Variants in PAN3 observed in about 807,000 individuals in gnomAD.
PAN3 encodes the protein PAN2-PAN3 deadenylation complex subunit PAN3.
Under a neutral mutation model 96.2 loss-of-function variants are expected in PAN3, and 19 were observed. The observed-to-expected ratio is 0.20, with a 90% CI of 0.14 to 0.29. The LOEUF (loss-of-function observed/expected upper bound fraction) is 0.29, where lower values mean the gene tolerates loss of function less well. Among genes scored for constraint, PAN3 ranks in the 10% least tolerant of loss-of-function variants. The probability of loss-of-function intolerance (pLI) is 1.00; values close to 1 mark genes in which losing one functional copy is unlikely to be tolerated. For synonymous variants in PAN3, 433 were observed against 406.6 expected, an observed-to-expected ratio of 1.06 and a Z score of -0.78; for missense variants, 882 against 1,108.1, an observed-to-expected ratio of 0.80 and a Z score of 2.90.
chr13:28,281,231 A>G, intron 16 of PAN3, 84 bp from the exon 17 acceptor site: 1 of 976,894 alleles, frequency 1.0e-6, no homozygotes, highest in Non-Finnish European at 1.6e-6. Flanking sequence ...ATATTGGTAC[A>G]GGTTACCAGT....
At chr13:28,166,532 A>C (rs1302464469) in intron 1 of PAN3, among the ~76,000 whole-genome samples, 2 of 152,112 alleles carry the variant, frequency 1.3e-5, no homozygotes, top group Non-Finnish European at 2.9e-5. Context: ...CTGGTGTTGG[A>C]TGCTGGTGGC....
intron 18 of PAN3, among the ~76,000 whole-genome samples, chr13:28,291,550 C>T (rs1869744985): frequency 6.6e-6 from 1 of 152,180 alleles, no homozygotes; most frequent in Admixed American, 6.5e-5. Flanking sequence ...ATAAATTAGG[C>T]TGGGCACGGT....
chr13:28,242,071 C>CT (rs1328964665), intron 6 of PAN3, among the ~76,000 whole-genome samples: 1 of 152,216 alleles, frequency 6.6e-6, no homozygotes, highest in Non-Finnish European at 1.5e-5. Flanking sequence ...GTAACACATA[C>CT]TAGAGTAATG....
At position 28,260,470 on chromosome 13, in the gene PAN3, T is replaced by C; in HGVS notation, c.1272T>C (p.Tyr424=). The C allele has an allele frequency of 2.5e-6, 4 of 1,612,960 alleles. No individual in the cohort carries two copies. Among genetic ancestry groups the C allele is most frequent in the Non-Finnish European group, 3.4e-6 (4 of 1,179,048 alleles). The part of the protein sequence containing the change: ...TGMVFPNYHI[Y]PPTAPHVAYM... ...AGGTGTTTCCAAACTATCATATTTA[T>C]CCTCCAACTGCACCTCACGTTGCTT... Residue 424 remains tyrosine (Y), a synonymous_variant, in exon 8 of 19, where the codon TAT becomes TAC. Coordinates refer to ENST00000380958, the MANE Select transcript of PAN3 (RefSeq NM_175854.8).
intron 9 of PAN3, among the ~76,000 whole-genome samples, chr13:28,262,840 G>A (rs968702639): frequency 6.6e-6 from 1 of 152,184 alleles, no homozygotes; most frequent in African/African-American, 2.4e-5. Context: ...ATATCAGTAT[G>A]TAGGAATAAA....
At chr13:28,263,246 TAGAG>T (rs796401242) in intron 9 of PAN3, among the ~76,000 whole-genome samples, 34 of 152,260 alleles carry the variant, frequency 2.2e-4, no homozygotes, top group African/African-American at 7.9e-4. Flanking sequence ...CGGAACAGAT[TAGAG>T]AGAGCCAGAC....
At chr13:28,185,348 G>A (rs1310995273) in intron 4 of PAN3, among the ~76,000 whole-genome samples, 1 of 152,176 alleles carries the variant, frequency 6.6e-6, no homozygotes, top group Non-Finnish European at 1.5e-5. Context: ...TTCCTGCTAA[G>A]TAAAGAGTAT....
chr13:28,144,224 T>G lies in PAN3; in HGVS notation c.430+5137T>G, dbSNP rs1030575373. ...ATAAGTTTTTTTGTTTTTTTTTTTT[T>G]TTTTTTTTTTGATATGGAGTCTCGC... On this transcript the variant is annotated intron_variant, in intron 1 of 18. Coordinates refer to ENST00000380958, the MANE Select transcript of PAN3 (RefSeq NM_175854.8). Among the ~76,000 whole-genome samples the G allele has an allele frequency of 7.0e-4, 102 of 144,760 alleles. 2 individuals carry two copies. Among genetic ancestry groups the G allele is most frequent in the Admixed American group, 1.5e-3 (22 of 14,530 alleles). The allele number at this position is 144,760 out of a possible 152,430, so 95.0% of individuals were successfully genotyped here.
chr13:28,227,812 T>C (rs1882159742), intron 6 of PAN3, among the ~76,000 whole-genome samples: 1 of 152,200 alleles, frequency 6.6e-6, no homozygotes, highest in Admixed American at 6.5e-5. Context: ...TCTGTGTAAA[T>C]AGAAAATCTT....
intron 5 of PAN3, among the ~76,000 whole-genome samples, chr13:28,206,934 A>C (rs1879446203): frequency 1.3e-5 from 2 of 151,832 alleles, no homozygotes. Context: ...CTCTGCACTC[A>C]TTCTATTATA....
chr13:28,154,966 G>A (rs1473293050), intron 1 of PAN3, among the ~76,000 whole-genome samples: 2 of 150,840 alleles, frequency 1.3e-5, no homozygotes, highest in Non-Finnish European at 3.0e-5. Flanking sequence ...GAGTACAGTC[G>A]CCCACCACCA....
chr13:28,259,853 G>A (rs1885547127), intron 7 of PAN3, among the ~76,000 whole-genome samples: 1 of 151,878 alleles, frequency 6.6e-6, no homozygotes, highest in Non-Finnish European at 1.5e-5. Context: ...GGTCAGGCTG[G>A]TCTCGAACTC....
At chr13:28,220,951 A>G in intron 6 of PAN3, among the ~76,000 whole-genome samples, 1 of 152,148 alleles carries the variant, frequency 6.6e-6, no homozygotes, top group South Asian at 2.1e-4. Flanking sequence ...TCTTCTGCCC[A>G]TAATGTACCC....
chr13:28,261,549 C>A, intron 9 of PAN3, 91 bp downstream of exon 9: 1 of 1,175,834 alleles, frequency 8.5e-7, no homozygotes, highest in Admixed American at 2.3e-5. Context: ...AGAAGAGTTC[C>A]AGGCTGGGCC....
chr13:28,139,700 T>C (rs1033699327), intron 1 of PAN3, among the ~76,000 whole-genome samples: 3 of 152,082 alleles, frequency 2.0e-5, no homozygotes, highest in Non-Finnish European at 4.4e-5. Flanking sequence ...GCGTTCAAAG[T>C]GTGCTCAGGT....
In PAN3 at chr13:28,292,654, C is replaced by G; in HGVS notation, c.*132C>G. ...GAGATGAGCAAAGCTGCTTGCACTT[C>G]AGTCAGGTACACTGTTACTTGAAAG... On this transcript the variant is annotated 3_prime_UTR_variant, in exon 19 of 19. Coordinates refer to ENST00000380958, the MANE Select transcript of PAN3 (RefSeq NM_175854.8). The G allele has an allele frequency of 1.3e-6, 1 of 772,622 alleles. No individual in the cohort carries two copies. 47.9% of individuals were successfully genotyped at this position (772,622 alleles called of 1,614,324 possible).
At chr13:28,161,399 TCTTTA>T (rs1251657706) in intron 1 of PAN3, among the ~76,000 whole-genome samples, 1 of 152,246 alleles carries the variant, frequency 6.6e-6, no homozygotes, top group African/African-American at 2.4e-5. Flanking sequence ...ACTCCTGTCA[TCTTTA>T]CTTGATGTTT....
chr13:28,221,744 G>C (rs1433178452), intron 6 of PAN3, among the ~76,000 whole-genome samples: 1 of 151,956 alleles, frequency 6.6e-6, no homozygotes, highest in Admixed American at 6.6e-5. Context: ...AGTTAAATTT[G>C]TAAGCATTTT....
intron 6 of PAN3, chr13:28,232,353 G>A (rs907918918): frequency 3.3e-5 from 5 of 152,080 alleles, no homozygotes; most frequent in East Asian, 1.9e-4. Flanking sequence ...TACTTCAAGA[G>A]TAGAAAATTG....
Sources: gnomAD v4.1 joint callset for allele counts (sites outside exome capture counted in the v4.1 genomes callset) on GRCh38, gnomAD v4.1.1 for gene constraint, MANE v1.5 for transcripts, NCBI Gene and HGNC (gene_info 2026-07-23, HGNC 2026-07-21) for gene names.